The following SF3B1 variants were observed in gnomAD, a reference collection of about 807,000 sequenced individuals.
SF3B1 encodes pre-mRNA processing 10.
SF3B1 carries 12 observed loss-of-function variants against 153.8 expected under a neutral mutation model. The ratio of observed to expected loss-of-function variants is 0.08; its 90% CI spans 0.05 to 0.13. The LOEUF (loss-of-function observed/expected upper bound fraction) is 0.13, where lower values mean the gene tolerates loss of function less well. Among genes scored for constraint, SF3B1 ranks in the 10% least tolerant of loss-of-function variants. SF3B1 has a pLI of 1.00. For missense variants in SF3B1, 513 were observed against 1,606.1 expected (o/e 0.32, Z 11.63); for synonymous variants, 498 against 525.2 (o/e 0.95, Z 0.71).
At position 197,405,488 on chromosome 2, in the gene SF3B1, A is replaced by G; in HGVS notation, c.1240-16T>C. ...GAGGAAGTACCTAATAAAAGTTATA[A>G]GACAGTTTAGGATTTTCTTAACTTA... is the stretch of plus-strand genomic sequence containing the variant. On this transcript the variant is annotated splice_polypyrimidine_tract_variant and intron_variant, in intron 9 of 24. Transcript: ENST00000335508. 6.4e-7 allele frequency: 1 copy of G among 1,570,974 alleles called. No individual in the cohort carries two copies. The highest frequency in any genetic ancestry group is 8.7e-7 in the Non-Finnish European group (1 of 1,147,970).
At chr2:197,423,111 G>A (rs183535352) in intron 2 of SF3B1, among the ~76,000 whole-genome samples, 2 of 152,208 alleles carry the variant, frequency 1.3e-5, no homozygotes, top group Admixed American at 6.5e-5. Context: ...TCCAGGCTGG[G>A]CGCAGTGGCT....
At position 197,401,655 on chromosome 2, in the gene SF3B1, T is replaced by C. The variant is rs2084938510; in HGVS notation, c.2370+87A>G. 6.7e-7 allele frequency: 1 copy of C among 1,503,728 alleles called. No individual in the cohort carries two copies. Among genetic ancestry groups the C allele is most frequent in the Non-Finnish European group, 9.1e-7 (1 of 1,104,618 alleles). The allele number at this position is 1,503,728 out of a possible 1,614,324, so 93.1% of individuals were successfully genotyped here. A position where few individuals can be genotyped will look rare whatever the true frequency, so the allele number is the denominator to read the frequency against. ...AACAGTATTCGTGTAACATACAGTT[T>C]TTTTTGTTGATTTTTAAAAACACTT... On this transcript the variant is annotated intron_variant, in intron 16 of 24. Coordinates refer to ENST00000335508, the MANE Select transcript of SF3B1 (RefSeq NM_012433.4). The surrounding 1 kb of genome is among the most constrained non-coding windows in gnomAD (Gnocchi z 4.2).
chr2:197,422,420 G>C (rs570891001), intron 2 of SF3B1, among the ~76,000 whole-genome samples: 1 of 152,072 alleles, frequency 6.6e-6, no homozygotes, highest in East Asian at 1.9e-4. Context: ...GTGGGGGTAG[G>C]GGGGAGGGAT....
intron 6 of SF3B1, among the ~76,000 whole-genome samples, chr2:197,410,312 A>C (rs1231657278): frequency 6.6e-6 from 1 of 152,102 alleles, no homozygotes; most frequent in Non-Finnish European, 1.5e-5. Context: ...GAAATCACTG[A>C]GGTTTCTCTA....
chr2:197,424,067 C>T, intron 1 of SF3B1, 93 bp from the exon 2 acceptor site: 1 of 1,022,684 alleles, frequency 9.8e-7, no homozygotes, highest in Non-Finnish European at 1.5e-6. Flanking sequence ...TCAAAATACT[C>T]TCTTAAATAC....
At chr2:197,425,663 C>T (rs1297525540) in intron 1 of SF3B1, among the ~76,000 whole-genome samples, 2 of 151,930 alleles carry the variant, frequency 1.3e-5, no homozygotes, top group Non-Finnish European at 2.9e-5. Context: ...GTCTAAGGCA[C>T]GGCTGGGTCA....
At chr2:197,415,420 T>A (rs1440391966) in intron 6 of SF3B1, among the ~76,000 whole-genome samples, 1 of 151,592 alleles carries the variant, frequency 6.6e-6, no homozygotes, top group Non-Finnish European at 1.5e-5. Context: ...GCCCAGCTAA[T>A]TTTTTTTGTA....
rs142459386 is a variant in SF3B1, at chr2:197,409,849, G to A, written c.825C>T (p.Gly275=). ...AATPGRGDTP[G]HATPGHGGAT... Reference sequence around the variant, plus strand: ...CGCCTCCATGGCCTGGTGTCGCATGGCCTGGTGTATCACCTCGTCCAGGAG... The same window carrying A: ...CGCCTCCATGGCCTGGTGTCGCATGACCTGGTGTATCACCTCGTCCAGGAG... The change falls in exon 7 of 25, where the codon GGC becomes GGT. Residue 275 remains glycine, a synonymous_variant. Coordinates refer to ENST00000335508, the MANE Select transcript of SF3B1 (RefSeq NM_012433.4). The A allele has an allele frequency of 1.2e-6, 2 of 1,614,100 alleles. No individual in the cohort carries two copies. The highest frequency in any genetic ancestry group is 1.7e-6 in the Non-Finnish European group (2 of 1,180,000).
chr2:197,416,363 T>A (rs186039211), intron 6 of SF3B1, among the ~76,000 whole-genome samples: 2 of 152,316 alleles, frequency 1.3e-5, no homozygotes, highest in Non-Finnish European at 2.9e-5. Context: ...AAAATCTGTA[T>A]GTTGAAGTCC....
chr2:197,427,824 G>A (rs768940146), intron 1 of SF3B1, among the ~76,000 whole-genome samples: 52 of 152,042 alleles, frequency 3.4e-4, no homozygotes, highest in Non-Finnish European at 6.5e-4. Context: ...TTCAGGATCA[G>A]CCTGGCCAAG....
At chr2:197,403,513 G>A (rs1191777360) in intron 12 of SF3B1, 72 bp downstream of exon 12, 14 of 1,003,584 alleles carry the variant, frequency 1.4e-5, no homozygotes, top group South Asian at 1.3e-4. Context: ...AGGAGAATAT[G>A]TAAATTTAAC....
At chr2:197,422,314 GT>G (rs1177833034) in intron 2 of SF3B1, among the ~76,000 whole-genome samples, 1 of 151,542 alleles carries the variant, frequency 6.6e-6, no homozygotes, top group Non-Finnish European at 1.5e-5. Flanking sequence ...AAAATAACCA[GT>G]TGGCACCGCA....
chr2:197,418,053 T>C (rs10177267), intron 5 of SF3B1, among the ~76,000 whole-genome samples: 8,639 of 151,482 alleles, frequency 0.057, 800 homozygotes, highest in African/African-American at 0.2. Flanking sequence ...CTGGCCAACA[T>C]GGTGAAACCC....
intron 6 of SF3B1, among the ~76,000 whole-genome samples, chr2:197,413,095 T>C (rs918349058): frequency 3.3e-5 from 5 of 150,612 alleles, no homozygotes; most frequent in Admixed American, 6.6e-5. Context: ...ATGTCATCCA[T>C]AGAATTAAAG....
At position 197,408,279 on chromosome 2, in the gene SF3B1, T is replaced by C. The variant is rs1040344542; in HGVS notation, c.1117+90A>G. The C allele has an allele frequency of 2.0e-5, 27 of 1,351,172 alleles. No homozygotes were observed. In the South Asian group the frequency reaches 3.3e-4, roughly 16 times the overall value. 83.7% of individuals were successfully genotyped at this position (1,351,172 alleles called of 1,614,324 possible). On this transcript the variant is annotated intron_variant, in intron 8 of 24. Coordinates refer to ENST00000335508, the MANE Select transcript of SF3B1 (RefSeq NM_012433.4). ...TATATCTCCTTATTCTTACTAGAAGTTGACATTAATAGTACACAGAATACC... is the reference window on the plus strand; with the variant it reads ...TATATCTCCTTATTCTTACTAGAAGCTGACATTAATAGTACACAGAATACC...
rs529895863 is a variant in SF3B1, at chr2:197,432,328, G to C, written c.28+2644C>G. On this transcript the variant is annotated intron_variant, in intron 1 of 24. Transcript: ENST00000335508. ...TAAACCATTTTCCCCTTACAAAACA[G>C]AGAATAATGTGTGTTCCCTGTTTGT... Among the ~76,000 whole-genome samples, 17 of 152,340 alleles carry C rather than the reference G, an allele frequency of 1.1e-4. No individual in the cohort carries two copies. The South Asian group carries it at 3.5e-3, about 32-fold the overall frequency.
At chr2:197,417,881 C>CT (rs1290401354) in intron 5 of SF3B1, among the ~76,000 whole-genome samples, 1 of 152,094 alleles carries the variant, frequency 6.6e-6, no homozygotes, top group Non-Finnish European at 1.5e-5. Flanking sequence ...ACACTGAACT[C>CT]TGACTTTTCC....
chr2:197,391,069 A>G lies in SF3B1; in HGVS notation c.*1234T>C, dbSNP rs937315497. ...GACAAAACAAAACAGTAAAAATAGT[A>G]TAGGTAGTAAAAAGGCCAAAACTAA... On this transcript the variant is annotated 3_prime_UTR_variant, in exon 25 of 25. Coordinates refer to ENST00000335508, the MANE Select transcript of SF3B1 (RefSeq NM_012433.4). 5 of 152,242 alleles carry G rather than the reference A, an allele frequency of 3.3e-5. No homozygotes were observed. The highest frequency in any genetic ancestry group is 1.2e-4 in the African/African-American group (5 of 41,464). 9.4% of individuals were successfully genotyped at this position (152,242 alleles called of 1,614,324 possible). A position where few individuals can be genotyped will look rare whatever the true frequency, so the allele number is the denominator to read the frequency against.
At chr2:197,406,468 T>C (rs950552003) in intron 9 of SF3B1, among the ~76,000 whole-genome samples, 1 of 152,202 alleles carries the variant, frequency 6.6e-6, no homozygotes, top group African/African-American at 2.4e-5. Flanking sequence ...GTGGATACTC[T>C]AAAGATGTGA....
Sources: allele counts gnomAD v4.1 joint callset (sites outside exome capture counted in the v4.1 genomes callset), GRCh38; gene constraint gnomAD v4.1.1; non-coding constraint Gnocchi (gnomAD v3.1); transcripts MANE v1.5; gene names NCBI Gene and HGNC (gene_info 2026-07-23, HGNC 2026-07-21).